Variants in TMEM232 observed in about 807,000 individuals in gnomAD.
TMEM232 encodes transmembrane protein 232.
In TMEM232, 80 loss-of-function variants were observed where a neutral mutation model predicts 78.8. The observed-to-expected ratio is 1.01, with a 90% CI of 0.85 to 1.22. The LOEUF (loss-of-function observed/expected upper bound fraction) is 1.22. Among genes scored for constraint, TMEM232 ranks in the 50% most tolerant of loss-of-function variants. The pLI, the probability that TMEM232 is intolerant of heterozygous loss-of-function variation, is 0.00. For synonymous variants in TMEM232, 297 were observed against 254.3 expected (o/e 1.17, Z -1.60); for missense variants, 881 against 742.2 (o/e 1.19, Z -2.17).
intron 4 of TMEM232, among the ~76,000 whole-genome samples, chr5:110,640,387 C>T (rs1018422186): frequency 6.6e-6 from 1 of 151,386 alleles, no homozygotes; most frequent in Admixed American, 6.6e-5. Context: ...ATTTTACCCC[C>T]TTAGAAATAA....
chr5:110,621,538 CATT>C (rs1783749626), intron 7 of TMEM232, among the ~76,000 whole-genome samples: 1 of 152,024 alleles, frequency 6.6e-6, no homozygotes, highest in East Asian at 1.9e-4. Flanking sequence ...AATTTGTCGT[CATT>C]ATTATTATAT....
At chr5:110,466,875 T>C (rs1180783738) in intron 12 of TMEM232, among the ~76,000 whole-genome samples, 2 of 149,484 alleles carry the variant, frequency 1.3e-5, no homozygotes, top group East Asian at 4.0e-4. Flanking sequence ...CACAATACCT[T>C]AATGTTGCTT....
intron 11 of TMEM232, among the ~76,000 whole-genome samples, chr5:110,541,941 G>T (rs7709186): frequency 6.6e-6 from 1 of 152,128 alleles, no homozygotes; most frequent in Non-Finnish European, 1.5e-5. Flanking sequence ...TGAAAACATG[G>T]AAAAAGAGAT....
intron 10 of TMEM232, among the ~76,000 whole-genome samples, chr5:110,593,883 T>A (rs915591041): frequency 6.6e-6 from 1 of 152,140 alleles, no homozygotes. Flanking sequence ...TTTACCCTGA[T>A]GTAATTATTA....
intron 10 of TMEM232, among the ~76,000 whole-genome samples, chr5:110,571,762 T>C (rs555239116): frequency 7.3e-5 from 11 of 151,620 alleles, no homozygotes; most frequent in South Asian, 2.1e-4. Context: ...GGAGGCTGTG[T>C]TGGGAAGATC....
chr5:110,504,413 G>A (rs1766631876), intron 12 of TMEM232, among the ~76,000 whole-genome samples: 1 of 152,120 alleles, frequency 6.6e-6, no homozygotes, highest in Non-Finnish European at 1.5e-5. Flanking sequence ...TACAAAAATT[G>A]CCTTTATTAT....
chr5:110,490,174 A>C (rs911340037), intron 12 of TMEM232, among the ~76,000 whole-genome samples: 1 of 138,504 alleles, frequency 7.2e-6, no homozygotes, highest in African/African-American at 3.2e-5. Flanking sequence ...AGAAAGAAAG[A>C]AAGAAAGAAA....
intron 12 of TMEM232, among the ~76,000 whole-genome samples, chr5:110,473,217 T>C (rs937976622): frequency 6.6e-6 from 1 of 151,770 alleles, no homozygotes; most frequent in Admixed American, 6.6e-5. Flanking sequence ...AACCAGAATA[T>C]ACAAGAAACT....
At chr5:110,598,811 T>C (rs949831397) in intron 10 of TMEM232, among the ~76,000 whole-genome samples, 1 of 126,488 alleles carries the variant, frequency 7.9e-6, no homozygotes, top group Non-Finnish European at 1.6e-5. Flanking sequence ...AATTGAACAA[T>C]AAGAACACAT....
At chr5:110,686,001 G>A (rs971474131) in intron 1 of TMEM232, among the ~76,000 whole-genome samples, 2 of 152,018 alleles carry the variant, frequency 1.3e-5, no homozygotes, top group Admixed American at 6.6e-5. Flanking sequence ...AAGGTGGCAT[G>A]ATGGAAATAT....
intron 12 of TMEM232, among the ~76,000 whole-genome samples, chr5:110,482,062 T>C (rs1334696851): frequency 2.0e-5 from 3 of 152,100 alleles, no homozygotes; most frequent in Non-Finnish European, 2.9e-5. Flanking sequence ...AATCATAATA[T>C]ATTTGAGTCA....
chr5:110,545,429 A>G (rs1053531709), intron 11 of TMEM232, among the ~76,000 whole-genome samples: 1 of 152,074 alleles, frequency 6.6e-6, no homozygotes, highest in Admixed American at 6.6e-5. Context: ...TTTGTTATAT[A>G]AAATATTACA....
chr5:110,455,755 T>G (rs1760833461), intron 12 of TMEM232, among the ~76,000 whole-genome samples: 1 of 152,094 alleles, frequency 6.6e-6, no homozygotes, highest in Non-Finnish European at 1.5e-5. Flanking sequence ...GATAACAAAT[T>G]ATGAGCAAGT....
intron 2 of TMEM232, chr5:110,666,624 A>G (rs1471133378): frequency 6.6e-6 from 1 of 152,146 alleles, no homozygotes; most frequent in Non-Finnish European, 1.5e-5. Flanking sequence ...TATGAATAAT[A>G]GCAAAACCAT....
intron 2 of TMEM232, among the ~76,000 whole-genome samples, chr5:110,647,439 G>A (rs1005902779): frequency 6.6e-5 from 10 of 151,744 alleles, no homozygotes; most frequent in African/African-American, 2.2e-4. Flanking sequence ...TTATACCTAC[G>A]CAATGTCCAT....
intron 8 of TMEM232, among the ~76,000 whole-genome samples, chr5:110,617,722 G>A (rs2149889198): frequency 6.6e-6 from 1 of 152,172 alleles, no homozygotes; most frequent in South Asian, 2.1e-4. Context: ...TTGGGAGGCC[G>A]AGGTAGGCAG....
intron 12 of TMEM232, among the ~76,000 whole-genome samples, chr5:110,507,677 G>A (rs887831708): frequency 3.3e-5 from 5 of 152,286 alleles, no homozygotes; most frequent in Admixed American, 6.5e-5. Flanking sequence ...AGTTGTCCGA[G>A]TGCCAAGTAG....
intron 7 of TMEM232, among the ~76,000 whole-genome samples, chr5:110,622,960 T>C (rs1783956195): frequency 2.0e-5 from 3 of 151,374 alleles, no homozygotes; most frequent in Admixed American, 1.3e-4. Flanking sequence ...ACCTGCACAT[T>C]GTGCACATGT....
At position 110,499,629 on chromosome 5, in the gene TMEM232, C is replaced by CT. The variant is rs1766010703; in HGVS notation, c.1703+28958_1703+28959insA. ...AGAGGGGAAAAATATATGTATACAC[C>CT]CCCCCCCACACACACACATATATAT... On this transcript the variant is annotated intron_variant, in intron 12 of 13. Coordinates refer to ENST00000455884, the MANE Select transcript of TMEM232 (RefSeq NM_001039763.4). Among the ~76,000 whole-genome samples, 17 of 119,862 alleles carry CT rather than the reference C, an allele frequency of 1.4e-4. 1 individual carries two copies. In the South Asian group the frequency reaches 4.1e-3, roughly 29 times the overall value. The allele number at this position is 119,862 out of a possible 152,430, so 78.6% of individuals were successfully genotyped here.
Sources: allele counts gnomAD v4.1 joint callset (sites outside exome capture counted in the v4.1 genomes callset), GRCh38; gene constraint gnomAD v4.1.1; transcripts MANE v1.5; gene names NCBI Gene and HGNC (gene_info 2026-07-23, HGNC 2026-07-21).